The following PAPSS2 variants were observed in gnomAD, a reference collection of about 807,000 sequenced individuals.
PAPSS2 encodes bifunctional 3'-phosphoadenosine 5'-phosphosulfate synthase 2.
PAPSS2 carries 61 observed loss-of-function variants against 66.5 expected under a neutral mutation model. The observed-to-expected ratio is 0.92, with a 90% CI of 0.75 to 1.14. The LOEUF is 1.14. PAPSS2 is among the 50% of genes most tolerant of loss of function. PAPSS2 has a pLI of 0.00. For synonymous variants in PAPSS2, 289 were observed against 287.5 expected (o/e 1.01, Z -0.05); for missense variants, 708 against 789.6 (o/e 0.90, Z 1.24).
At chr10:87,719,769 G>T (rs1402451250) in intron 7 of PAPSS2, among the ~76,000 whole-genome samples, 1 of 152,164 alleles carries the variant, frequency 6.6e-6, no homozygotes, top group Admixed American at 6.5e-5. Context: ...GAATGGTAAT[G>T]AAGGCAGGTG....
At chr10:87,735,241 A>T (rs1853782645) in intron 9 of PAPSS2, among the ~76,000 whole-genome samples, 1 of 152,136 alleles carries the variant, frequency 6.6e-6, no homozygotes, top group Non-Finnish European at 1.5e-5. Context: ...ACAGCTGGAC[A>T]CAGTTCTGGC....
At chr10:87,683,558 A>G (rs1470483978) in intron 1 of PAPSS2, among the ~76,000 whole-genome samples, 1 of 152,254 alleles carries the variant, frequency 6.6e-6, no homozygotes, top group East Asian at 1.9e-4. Flanking sequence ...CAGGGTTCCT[A>G]GAAATGATGA....
In PAPSS2 at chr10:87,745,949, C is replaced by T. The variant is rs1170002306; in HGVS notation, c.1839C>T (p.Tyr613=). The T allele has an allele frequency of 3.1e-6, 5 of 1,614,076 alleles. No homozygotes were observed. The South Asian group carries it at 5.5e-5, about 18-fold the overall frequency. ...PKAWKVLTDY[Y]RSLEKN is the part of the protein sequence containing the mutation. ...CATGGAAGGTCCTGACAGATTATTA[C>T]AGGTCCCTGGAGAAGAACTAAGCCT... The change falls in exon 13 of 13, where the codon TAC becomes TAT. Residue 613 remains tyrosine, a synonymous_variant. Transcript: ENST00000456849.
chr10:87,714,140 G>A lies in PAPSS2; in HGVS notation c.478G>A (p.Val160Ile), dbSNP rs145370575. Reference sequence around the variant, plus strand: ...TCTAAATATTTGTGAAAGCAGAGACGTAAAAGGCCTCTATAAAAGGGCCAG... The same window carrying A: ...TCTAAATATTTGTGAAAGCAGAGACATAAAAGGCCTCTATAAAAGGGCCAG... The part of the protein sequence containing the change: ...APLNICESRD[V>I]KGLYKRARAG... The change falls in exon 4 of 13, where the codon GTA (valine) becomes ATA (isoleucine). Residue 160 changes from valine (V) to isoleucine (I), a missense_variant. Coordinates refer to ENST00000456849, the MANE Select transcript of PAPSS2 (RefSeq NM_001015880.2). 2.1e-5 allele frequency: 34 copies of A among 1,613,680 alleles called. No homozygotes were observed. The highest frequency in any genetic ancestry group is 3.3e-4 in the Middle Eastern group (2 of 6,084).
intron 7 of PAPSS2, among the ~76,000 whole-genome samples, chr10:87,720,563 C>T (rs1853581240): frequency 6.6e-6 from 1 of 152,192 alleles, no homozygotes; most frequent in African/African-American, 2.4e-5. Context: ...CAGACATGTG[C>T]CCACTTTTGT....
At chr10:87,663,493 G>A (rs532633262) in intron 1 of PAPSS2, among the ~76,000 whole-genome samples, 3 of 152,112 alleles carry the variant, frequency 2.0e-5, no homozygotes, top group African/African-American at 7.2e-5. Flanking sequence ...CTGGAAGGAG[G>A]GACAAAAAGC....
chr10:87,730,453 A>C (rs970883506), intron 9 of PAPSS2, among the ~76,000 whole-genome samples: 1 of 152,146 alleles, frequency 6.6e-6, no homozygotes, highest in South Asian at 2.1e-4. Context: ...ATGAAATGAA[A>C]TTTTAGAGGT....
intron 1 of PAPSS2, among the ~76,000 whole-genome samples, chr10:87,664,682 G>A (rs1428094115): frequency 2.6e-5 from 4 of 152,116 alleles, no homozygotes; most frequent in Non-Finnish European, 5.9e-5. Flanking sequence ...TCTGGGAAAG[G>A]CATCAATGAT....
intron 1 of PAPSS2, among the ~76,000 whole-genome samples, chr10:87,684,909 T>C (rs1320742107): frequency 6.6e-6 from 1 of 152,198 alleles, no homozygotes; most frequent in Non-Finnish European, 1.5e-5. Flanking sequence ...GACTGAGCTA[T>C]TTAGTGAAGC....
At chr10:87,738,600 G>A (rs1853829727) in intron 9 of PAPSS2, among the ~76,000 whole-genome samples, 1 of 152,112 alleles carries the variant, frequency 6.6e-6, no homozygotes. Context: ...TGAAGAGATG[G>A]GGTTTTACCA....
intron 1 of PAPSS2, among the ~76,000 whole-genome samples, chr10:87,688,890 GTC>G (rs771922145): frequency 4.6e-5 from 7 of 152,032 alleles, no homozygotes; most frequent in Non-Finnish European, 1.0e-4. Context: ...TCCACTAGTT[GTC>G]TCTAAGCAGT....
intron 9 of PAPSS2, among the ~76,000 whole-genome samples, chr10:87,735,284 C>A (rs1853783014): frequency 6.6e-6 from 1 of 152,098 alleles, no homozygotes; most frequent in Non-Finnish European, 1.5e-5. Flanking sequence ...TAGAGATGCC[C>A]CTTGTCCCTC....
intron 10 of PAPSS2, among the ~76,000 whole-genome samples, chr10:87,742,216 G>A (rs574140747): frequency 2.4e-4 from 37 of 152,220 alleles, no homozygotes; most frequent in Non-Finnish European, 8.8e-5. Flanking sequence ...TAGCTGAAGT[G>A]TATTTATGAA....
chr10:87,746,326 G>C lies in PAPSS2; in HGVS notation c.*356G>C, dbSNP rs919276423. ...GAAAAGTGAATATATTTTCCAGCAT[G>C]TCTTGACAACCTGTACTCTTCCAAT... is the stretch of plus-strand genomic sequence containing the variant. On this transcript the variant is annotated 3_prime_UTR_variant, in exon 13 of 13. Coordinates refer to ENST00000456849, the MANE Select transcript of PAPSS2 (RefSeq NM_001015880.2). 11 of 178,228 alleles carry C rather than the reference G, an allele frequency of 6.2e-5. No individual in the cohort carries two copies. The highest frequency in any genetic ancestry group is 1.3e-4 in the Non-Finnish European group (11 of 85,568). The allele number at this position is 178,228 out of a possible 1,614,324, so 11.0% of individuals were successfully genotyped here.
intron 1 of PAPSS2, chr10:87,704,103 T>G (rs1853352632): frequency 4.5e-6 from 2 of 448,376 alleles, no homozygotes; most frequent in Admixed American, 2.7e-5. Context: ...CTGCTTCTAT[T>G]TGTTTGCCTT....
At chr10:87,742,415 A>AT (rs1484461801) in intron 10 of PAPSS2, among the ~76,000 whole-genome samples, 1 of 152,174 alleles carries the variant, frequency 6.6e-6, no homozygotes, top group Non-Finnish European at 1.5e-5. Flanking sequence ...GGACTAAGAG[A>AT]TTTTTACTCT....
At chr10:87,744,964 C>A in intron 11 of PAPSS2, 38 bp from the exon 12 acceptor site, 1 of 1,570,134 alleles carries the variant, frequency 6.4e-7, no homozygotes, top group Non-Finnish European at 8.8e-7. Context: ...CAGATTTGAC[C>A]CACAATGACC....
intron 1 of PAPSS2, chr10:87,703,773 T>A: frequency 1.9e-6 from 1 of 518,896 alleles, no homozygotes; most frequent in Non-Finnish European, 3.8e-6. Context: ...AGGTAGAGAT[T>A]TTTGCAAAAT....
Position 87,739,864 on chromosome 10 carries a change from G to A in PAPSS2, c.1087-1371G>A, listed in dbSNP as rs531321824. The stretch of plus-strand genomic sequence containing the variant: ...GTGTTCTTGATGAAGCTGTAAAAGC[G>A]ATTATTAAATCTTGGCCCTTGAGTC... On this transcript the variant is annotated intron_variant, in intron 9 of 12. Transcript: ENST00000456849. Among the ~76,000 whole-genome samples, 40 of 152,288 alleles carry A rather than the reference G, an allele frequency of 2.6e-4. No individual in the cohort carries two copies. In the South Asian group the frequency reaches 5.2e-3, roughly 20 times the overall value.
Sources: allele counts gnomAD v4.1 joint callset (sites outside exome capture counted in the v4.1 genomes callset), GRCh38; gene constraint gnomAD v4.1.1; transcripts MANE v1.5; gene names NCBI Gene and HGNC (gene_info 2026-07-23, HGNC 2026-07-21).